MEGF6: variants seen among roughly 807,000 people sequenced by gnomAD.
MEGF6 encodes the protein multiple EGF like domains 6.
Under a neutral mutation model 207.1 loss-of-function variants are expected in MEGF6, and 184 were observed. The ratio of observed to expected loss-of-function variants is 0.89; its 90% CI spans 0.79 to 1.00. The LOEUF is 1.00. Ranked by LOEUF, MEGF6 falls within the 50% of genes least tolerant of loss-of-function variation. MEGF6 has a pLI of 0.00. For missense variants in MEGF6, 2,282 were observed against 2,202.9 expected, an observed-to-expected ratio of 1.04 and a Z score of -0.72; for synonymous variants, 1,038 against 910.0, an observed-to-expected ratio of 1.14 and a Z score of -2.53.
Position 3,602,592 on chromosome 1 carries a change from A to C in MEGF6, c.140T>G (p.Val47Gly), listed in dbSNP as rs541822664. 7.7e-5 allele frequency: 124 copies of C among 1,608,584 alleles called. No individual in the cohort carries two copies. Among genetic ancestry groups the C allele is most frequent in the Non-Finnish European group, 9.9e-5 (117 of 1,177,304 alleles). The change falls in exon 2 of 37, where the codon GTG becomes GGG. Residue 47 changes from valine to glycine, a missense_variant. Physicochemically the swap from Val to Gly is moderately radical, Grantham distance 109. Coordinates refer to ENST00000356575, the MANE Select transcript of MEGF6 (RefSeq NM_001409.4). Reference sequence around the variant, plus strand: ...CAGGGTCAGCTCCTGCTCAGCACACACGTGGGGCCTGGAACAGAGACACGG... The same window carrying C: ...CAGGGTCAGCTCCTGCTCAGCACACCCGTGGGGCCTGGAACAGAGACACGG... ...LLPLQPGMPH[V>G]CAEQELTLVG...
At chr1:3,570,594 C>T (rs970671242) in intron 4 of MEGF6, among the ~76,000 whole-genome samples, 6 of 152,136 alleles carry the variant, frequency 3.9e-5, no homozygotes, top group South Asian at 2.1e-4. Context: ...GTCCACCCGC[C>T]GGGGCACACC....
At chr1:3,584,328 G>A (rs1263298446) in intron 3 of MEGF6, among the ~76,000 whole-genome samples, 1 of 152,224 alleles carries the variant, frequency 6.6e-6, no homozygotes, top group Non-Finnish European at 1.5e-5. Flanking sequence ...GTTCCTGCAG[G>A]TGAAGACCTT....
chr1:3,515,545 A>G lies in MEGF6; in HGVS notation c.605-18T>C, dbSNP rs1217548765. The G allele has an allele frequency of 3.1e-6, 5 of 1,604,992 alleles. No homozygotes were observed. Among genetic ancestry groups the G allele is most frequent in the Non-Finnish European group, 3.4e-6 (4 of 1,175,028 alleles). On this transcript the variant is annotated intron_variant, in intron 5 of 36. Transcript: ENST00000356575. ...GTTAATGGCTGGGGACACAGGGAGG[A>G]CCCCAAGTCAGCCCAAGAGGATGCC...
At chr1:3,551,776 A>G (rs1642892594) in intron 4 of MEGF6, among the ~76,000 whole-genome samples, 1 of 152,160 alleles carries the variant, frequency 6.6e-6, no homozygotes, top group Non-Finnish European at 1.5e-5. Flanking sequence ...AGAAACCAGC[A>G]GGGCTGCGAC....
chr1:3,600,729 C>T (rs985449581), intron 2 of MEGF6, among the ~76,000 whole-genome samples: 3 of 152,208 alleles, frequency 2.0e-5, no homozygotes, highest in African/African-American at 7.2e-5. Flanking sequence ...CGAACAGCCC[C>T]AGAAGCATCC....
chr1:3,603,813 GC>G (rs1644200016), intron 1 of MEGF6, among the ~76,000 whole-genome samples: 1 of 145,856 alleles, frequency 6.9e-6, no homozygotes, highest in South Asian at 2.2e-4. Flanking sequence ...GAGACTGCCC[GC>G]CCCGTCCAGC....
At chr1:3,496,432 G>A (rs769234849) in intron 29 of MEGF6, among the ~76,000 whole-genome samples, 1 of 152,276 alleles carries the variant, frequency 6.6e-6, no homozygotes, top group Non-Finnish European at 1.5e-5. Context: ...AGGTGCAGGG[G>A]CAGAGCTAGC....
chr1:3,491,349 C>T (rs1172266907), intron 35 of MEGF6, among the ~76,000 whole-genome samples: 1 of 152,080 alleles, frequency 6.6e-6, no homozygotes, highest in Non-Finnish European at 1.5e-5. Flanking sequence ...CACCCGGCAC[C>T]CAGCGCAGGT....
At chr1:3,603,303 C>CG in intron 1 of MEGF6, among the ~76,000 whole-genome samples, 1 of 151,864 alleles carries the variant, frequency 6.6e-6, no homozygotes, top group East Asian at 2.0e-4. Flanking sequence ...TCAGGCCCTG[C>CG]GGGGGGAAGG....
Position 3,508,616 on chromosome 1 carries a change from G to T in MEGF6, c.1602C>A (p.Leu534=). ...GGCAATCACAGCCATCCAGGCCCAG[G>T]AGGCAGGTCCCTCCGTTCCTGCAGT... ...CDDCRNGGTC[L]LGLDGCDCPE... is the part of the protein sequence containing the mutation. The change falls in exon 13 of 37, where the codon CTC becomes CTA. Residue 534 remains leucine (L), a synonymous_variant. Transcript: ENST00000356575. 1 of 1,613,528 alleles carries T rather than the reference G, an allele frequency of 6.2e-7. No homozygotes were observed. Among genetic ancestry groups the T allele is most frequent in the Non-Finnish European group, 8.5e-7 (1 of 1,179,964 alleles).
At chr1:3,500,572 T>C in intron 21 of MEGF6, 61 bp downstream of exon 21, 5 of 1,504,910 alleles carry the variant, frequency 3.3e-6, no homozygotes, top group Non-Finnish European at 3.6e-6. Context: ...TGTGCACGTG[T>C]GCATATGTGT....
intron 5 of MEGF6, among the ~76,000 whole-genome samples, chr1:3,516,853 G>T (rs1029857091): frequency 6.6e-6 from 1 of 152,204 alleles, no homozygotes; most frequent in Admixed American, 6.5e-5. Context: ...ATTGGGGGTC[G>T]CAGTGATGGC....
rs564017404 is a variant in MEGF6 at position 3,495,671 on chromosome 1, G to A, written c.3871+219C>T. Among the ~76,000 whole-genome samples the A allele has an allele frequency of 1.2e-4, 19 of 152,330 alleles. No individual in the cohort carries two copies. The East Asian group carries it at 3.7e-3, about 29-fold the overall frequency. The stretch of plus-strand genomic sequence containing the variant: ...CTCGGGGGCTGAGTGTCGAGGTAGG[G>A]GCTGGGGTGGCATGGGACGGTCCAT... On this transcript the variant is annotated intron_variant, in intron 30 of 36. Coordinates refer to ENST00000356575, the MANE Select transcript of MEGF6 (RefSeq NM_001409.4).
chr1:3,623,098 G>C, the MEGF6 span: 1 of 152,192 alleles, frequency 6.6e-6, no homozygotes, highest in Non-Finnish European at 1.5e-5. Flanking sequence ...CTCCATCCTT[G>C]GCGTGGTCCA....
At chr1:3,558,736 C>CTGCCTTGCTGAGAAGTGAAGT (rs1553201965) in intron 4 of MEGF6, among the ~76,000 whole-genome samples, 2 of 152,258 alleles carry the variant, frequency 1.3e-5, no homozygotes, top group Non-Finnish European at 2.9e-5. Context: ...CAGCACCCTT[C>CTGCCTTGCTGAGAAGTGAAGT]TGCCTTGCTG....
intron 4 of MEGF6, among the ~76,000 whole-genome samples, chr1:3,550,344 G>A (rs1642844511): frequency 6.6e-6 from 1 of 152,212 alleles, no homozygotes; most frequent in African/African-American, 2.4e-5. Flanking sequence ...CAAACCTCGT[G>A]CTGTGTGAAA....
chr1:3,529,572 C>T (rs1570065068), intron 4 of MEGF6, among the ~76,000 whole-genome samples: 2 of 152,356 alleles, frequency 1.3e-5, no homozygotes, highest in South Asian at 4.1e-4. Context: ...TGGACTTTGG[C>T]AGCCTCACAA....
At chr1:3,548,664 G>C (rs895419478) in intron 4 of MEGF6, among the ~76,000 whole-genome samples, 2 of 152,210 alleles carry the variant, frequency 1.3e-5, no homozygotes, top group Admixed American at 6.5e-5. Flanking sequence ...CAGGTGGCTG[G>C]GAGGGCGGTG....
chr1:3,577,850 C>T (rs574697322), intron 4 of MEGF6, among the ~76,000 whole-genome samples: 1 of 152,344 alleles, frequency 6.6e-6, no homozygotes, highest in East Asian at 1.9e-4. Context: ...AATGCCAAAC[C>T]CCCAAAGATG....
Sources: gnomAD v4.1 joint callset for allele counts (sites outside exome capture counted in the v4.1 genomes callset) on GRCh38, gnomAD v4.1.1 for gene constraint, MANE v1.5 for transcripts, NCBI Gene and HGNC (gene_info 2026-07-23, HGNC 2026-07-21) for gene names.